Variants in DGCR8 observed in about 807,000 individuals in gnomAD.
The protein encoded by DGCR8 is microprocessor complex subunit DGCR8.
Under a neutral mutation model 78.5 loss-of-function variants are expected in DGCR8, and 14 were observed. That is an observed-to-expected ratio of 0.18 (90% CI 0.12 to 0.28). The LOEUF (loss-of-function observed/expected upper bound fraction) is 0.28, where lower values mean the gene tolerates loss of function less well. Among genes scored for constraint, DGCR8 ranks in the 10% least tolerant of loss-of-function variants. The pLI, the probability that DGCR8 is intolerant of heterozygous loss-of-function variation, is 1.00. For synonymous variants in DGCR8, 399 were observed against 402.4 expected (o/e 0.99, Z 0.10); for missense variants, 702 against 1,022.5 (o/e 0.69, Z 4.28).
chr22:20,082,477 C>T (rs148969885), intron 1 of DGCR8, among the ~76,000 whole-genome samples: 174 of 152,282 alleles, frequency 1.1e-3, no homozygotes, highest in Middle Eastern at 6.8e-3. Context: ...AAGCCATTCT[C>T]CTGCCTCAGC....
intron 9 of DGCR8, chr22:20,101,207 G>A (rs2049696529): frequency 1.0e-6 from 1 of 985,198 alleles, no homozygotes; most frequent in Non-Finnish European, 1.2e-6. Flanking sequence ...GTGTTTTTAT[G>A]ATGCCATGCC....
At chr22:20,093,536 C>A (rs577078504) in intron 8 of DGCR8, among the ~76,000 whole-genome samples, 1 of 152,158 alleles carries the variant, frequency 6.6e-6, no homozygotes, top group Non-Finnish European at 1.5e-5. Context: ...TGCTGTAGTG[C>A]TTGTTTGTTT....
Position 20,089,657 on chromosome 22 carries a change from C to G in DGCR8, c.881-12C>G. 3 of 1,613,618 alleles carry G rather than the reference C, an allele frequency of 1.9e-6. No homozygotes were observed. The South Asian group carries it at 3.3e-5, about 18-fold the overall frequency. ...TACAGTGATTATAGGATGTTCTTGTCTTCCTGTGCAGGTCGTGGCCGCCCA... is the reference window on the plus strand; with the variant it reads ...TACAGTGATTATAGGATGTTCTTGTGTTCCTGTGCAGGTCGTGGCCGCCCA... On this transcript the variant is annotated splice_polypyrimidine_tract_variant and intron_variant, in intron 3 of 13. Transcript: ENST00000351989. This position sits in a 1 kb window ranked among gnomAD's most constrained non-coding sequence, Gnocchi z 4.9.
In DGCR8 at chr22:20,086,222, A is replaced by G; in HGVS notation, c.259A>G (p.Ile87Val). ...KGSFSKGRLL[I>V]DPNCSGHSPR... The stretch of plus-strand genomic sequence containing the variant: ...ATCCTTCTCTAAGGGCCGCCTCCTC[A>G]TAGACCCGAACTGTAGTGGCCACAG... The change falls in exon 2 of 14, where the codon ATA becomes GTA. Residue 87 changes from isoleucine (I) to valine (V), a missense_variant. Coordinates refer to ENST00000351989, the MANE Select transcript of DGCR8 (RefSeq NM_022720.7). This position sits in a 1 kb window ranked among gnomAD's most constrained non-coding sequence, Gnocchi z 6.4. 1.2e-6 allele frequency: 2 copies of G among 1,614,058 alleles called. No individual in the cohort carries two copies. Among genetic ancestry groups the G allele is most frequent in the Non-Finnish European group, 1.7e-6 (2 of 1,180,012 alleles).
chr22:20,090,839 C>T (rs1331007581), intron 5 of DGCR8, among the ~76,000 whole-genome samples: 1 of 152,232 alleles, frequency 6.6e-6, no homozygotes, highest in Non-Finnish European at 1.5e-5. Context: ...TTTCAAAGAG[C>T]ACTTTCCATT....
intron 11 of DGCR8, 198 bp from the exon 12 acceptor site, chr22:20,107,073 A>G (rs1249349817): frequency 3.2e-5 from 20 of 619,824 alleles, no homozygotes; most frequent in Non-Finnish European, 5.7e-6. Flanking sequence ...CTAGACTCTG[A>G]GGGCCACTCT....
rs117487882 is a variant in DGCR8, at chr22:20,108,545, C to A, written c.2125-345C>A. 1.1e-4 allele frequency: 29 copies of A among 267,262 alleles called. 1 individual carries two copies. The East Asian group carries it at 2.6e-3, about 24-fold the overall frequency. 16.6% of individuals were successfully genotyped at this position (267,262 alleles called of 1,614,324 possible). A position where few individuals can be genotyped will look rare whatever the true frequency, so the allele number is the denominator to read the frequency against. ...GGCTGCAGCGTGCTGTTCTTACTGG[C>A]TATGGCCACACTCTGGTTTCACTCC... is the stretch of plus-strand genomic sequence containing the variant. On this transcript the variant is annotated intron_variant, in intron 12 of 13. Coordinates refer to ENST00000351989, the MANE Select transcript of DGCR8 (RefSeq NM_022720.7).
chr22:20,096,390 A>C, intron 9 of DGCR8: 6 of 975,454 alleles, frequency 6.2e-6, no homozygotes, highest in Non-Finnish European at 6.1e-6. Context: ...CATGGAGTTC[A>C]AATCCATGTT....
At chr22:20,102,215 C>A in intron 9 of DGCR8, 1 of 362,752 alleles carries the variant, frequency 2.8e-6, no homozygotes, top group Non-Finnish European at 3.8e-6. Context: ...CTGTACATTC[C>A]AACATTCTTC....
intron 9 of DGCR8, chr22:20,102,228 T>C (rs174891): frequency 0.055 from 18,859 of 345,556 alleles, 658 homozygotes; most frequent in Non-Finnish European, 0.068. Context: ...CATTCTTCTT[T>C]GTTGGTCAAA....
At chr22:20,094,325 C>G (rs1342981231) in intron 8 of DGCR8, among the ~76,000 whole-genome samples, 1 of 152,238 alleles carries the variant, frequency 6.6e-6, no homozygotes, top group Non-Finnish European at 1.5e-5. Context: ...ACGCCAGCCA[C>G]TGCTGCTGCC....
chr22:20,095,448 G>GT (rs1374248335), intron 9 of DGCR8, among the ~76,000 whole-genome samples: 2 of 152,156 alleles, frequency 1.3e-5, no homozygotes, highest in Non-Finnish European at 2.9e-5. Context: ...TAACGTGGAA[G>GT]TTAGGGGCAC....
intron 9 of DGCR8, chr22:20,100,813 G>C (rs913854732): frequency 1.0e-6 from 1 of 985,312 alleles, no homozygotes; most frequent in Non-Finnish European, 1.2e-6. Flanking sequence ...CCCCTACTCC[G>C]ATCCTCCCAC....
At chr22:20,098,469 T>C (rs2049656965) in intron 9 of DGCR8, among the ~76,000 whole-genome samples, 1 of 152,214 alleles carries the variant, frequency 6.6e-6, no homozygotes, top group Non-Finnish European at 1.5e-5. Flanking sequence ...TTTTTTGTTA[T>C]TGTCAAGAAT....
At chr22:20,099,917 G>C (rs1189888489) in intron 9 of DGCR8, among the ~76,000 whole-genome samples, 1 of 152,140 alleles carries the variant, frequency 6.6e-6, no homozygotes, top group East Asian at 1.9e-4. Context: ...TTACAGGCGT[G>C]AGCCACCACA....
In DGCR8 at chr22:20,080,302, G is replaced by T; in HGVS notation, c.-359G>T. 2.0e-6 allele frequency: 2 copies of T among 981,136 alleles called. No individual in the cohort carries two copies. Among genetic ancestry groups the T allele is most frequent in the Non-Finnish European group, 2.4e-6 (2 of 828,238 alleles). 60.8% of individuals were successfully genotyped at this position (981,136 alleles called of 1,614,324 possible). On this transcript the variant is annotated 5_prime_UTR_variant, in exon 1 of 14. Coordinates refer to ENST00000351989, the MANE Select transcript of DGCR8 (RefSeq NM_022720.7). The stretch of plus-strand genomic sequence containing the variant: ...CCGGAGAGCCTGGACAGGCTTTCCA[G>T]ATGGCTGCGGCGGTCGGTCGGTGAG...
At chr22:20,083,989 C>T (rs1368487346) in intron 1 of DGCR8, among the ~76,000 whole-genome samples, 1 of 152,178 alleles carries the variant, frequency 6.6e-6, no homozygotes, top group Non-Finnish European at 1.5e-5. Context: ...GTGAAATTCC[C>T]ATTAGATTCA....
Position 20,111,346 on chromosome 22 carries a change from C to G in DGCR8, c.*1238C>G, listed in dbSNP as rs1054810504. On this transcript the variant is annotated 3_prime_UTR_variant, in exon 14 of 14. Coordinates refer to ENST00000351989, the MANE Select transcript of DGCR8 (RefSeq NM_022720.7). ...TGTCTGTCCCCCACCATGCCCCCTA[C>G]AGGCGGTACTGATGGCGCTTTTTTT... The G allele has an allele frequency of 1.3e-5, 5 of 396,856 alleles. No homozygotes were observed. The highest frequency in any genetic ancestry group is 1.0e-4 in the African/African-American group (5 of 48,126). 24.6% of individuals were successfully genotyped at this position (396,856 alleles called of 1,614,324 possible). A position where few individuals can be genotyped will look rare whatever the true frequency, so the allele number is the denominator to read the frequency against.
intron 8 of DGCR8, 23 bp from the exon 9 acceptor site, chr22:20,094,690 C>A: frequency 6.2e-7 from 1 of 1,608,412 alleles, no homozygotes; most frequent in Non-Finnish European, 8.5e-7. Flanking sequence ...CAAGCCTCAC[C>A]CTCGGGCTCT....
Sources: gnomAD v4.1 joint callset for allele counts (sites outside exome capture counted in the v4.1 genomes callset) on GRCh38, gnomAD v4.1.1 for gene constraint, Gnocchi (gnomAD v3.1) non-coding constraint, MANE v1.5 for transcripts, NCBI Gene and HGNC (gene_info 2026-07-23, HGNC 2026-07-21) for gene names.